Variants in LAMB3 observed in about 807,000 individuals in gnomAD.
LAMB3 encodes the protein laminin subunit beta-3.
A neutral mutation model predicts 140.3 loss-of-function variants in LAMB3; 104 were observed. The ratio of observed to expected loss-of-function variants is 0.74; its 90% CI spans 0.63 to 0.87. The LOEUF is 0.87. Among genes scored for constraint, LAMB3 ranks in the 40% least tolerant of loss-of-function variants. The pLI, the probability that LAMB3 is intolerant of heterozygous loss-of-function variation, is 0.00. For synonymous variants in LAMB3, 592 were observed against 602.9 expected, an observed-to-expected ratio of 0.98 and a Z score of 0.26; for missense variants, 1,531 against 1,575.2, an observed-to-expected ratio of 0.97 and a Z score of 0.47.
At position 209,626,879 on chromosome 1, in the gene LAMB3, T is replaced by C; in HGVS notation, c.1585A>G (p.Thr529Ala). The C allele has an allele frequency of 6.2e-7, 1 of 1,613,492 alleles. No homozygotes were observed. The highest frequency in any genetic ancestry group is 8.5e-7 in the Non-Finnish European group (1 of 1,179,696). The change falls in exon 13 of 23, where the codon ACA (threonine) becomes GCA (alanine). Residue 529 changes from threonine to alanine, a missense_variant. Transcript: ENST00000356082. ...TTTGAGCATGCACCTCGGCATCCTG[T>C]GGCCACGTCTCCATAGGTCCGGTCT... ...CPDRTYGDVA[T>A]GCRACDCDFR... is the part of the protein sequence containing the mutation.
At chr1:209,633,366 A>G (rs370914681) in intron 6 of LAMB3, among the ~76,000 whole-genome samples, 18 of 152,172 alleles carry the variant, frequency 1.2e-4, no homozygotes, top group Admixed American at 5.9e-4. Flanking sequence ...AGTTGAAAAT[A>G]TAAGTATCCT....
intron 5 of LAMB3, among the ~76,000 whole-genome samples, chr1:209,637,482 T>C (rs570217442): frequency 1.3e-5 from 2 of 152,256 alleles, no homozygotes; most frequent in African/African-American, 2.4e-5. Context: ...AATGAGTAGA[T>C]TGCCCACCAA....
intron 9 of LAMB3, 192 bp downstream of exon 9, chr1:209,630,423 T>C: frequency 1.5e-6 from 1 of 657,796 alleles, no homozygotes; most frequent in Non-Finnish European, 2.6e-6. Flanking sequence ...CTGGGGACAG[T>C]GGGAGGATGT....
chr1:209,617,083 G>A (rs1665993243), intron 21 of LAMB3, among the ~76,000 whole-genome samples: 1 of 152,168 alleles, frequency 6.6e-6, no homozygotes. Context: ...TGTCCAGGCT[G>A]GGAATCCAAG....
intron 13 of LAMB3, among the ~76,000 whole-genome samples, chr1:209,626,236 T>TCA (rs1390493292): frequency 6.6e-6 from 1 of 152,070 alleles, no homozygotes; most frequent in African/African-American, 2.4e-5. Context: ...CCACTTAAAG[T>TCA]CACACACACA....
At chr1:209,630,047 G>T in intron 9 of LAMB3, 122 bp from the exon 10 acceptor site, 4 of 888,278 alleles carry the variant, frequency 4.5e-6, no homozygotes, top group Non-Finnish European at 7.3e-6. Context: ...CAGGGAAGTG[G>T]GGAAACTGAG....
intron 22 of LAMB3, among the ~76,000 whole-genome samples, chr1:209,616,186 G>A (rs1194766722): frequency 1.3e-5 from 2 of 152,034 alleles, no homozygotes; most frequent in African/African-American, 4.8e-5. Context: ...ATAATTCTAT[G>A]CATCTTAAGC....
chr1:209,631,452 G>C (rs1265237990), intron 8 of LAMB3, among the ~76,000 whole-genome samples: 1 of 152,198 alleles, frequency 6.6e-6, no homozygotes, highest in East Asian at 1.9e-4. Flanking sequence ...GCTCCAGCTA[G>C]AACGGCACCT....
Position 209,629,720 on chromosome 1 carries a change from C to T in LAMB3, c.1132+17G>A. 2 of 1,613,468 alleles carry T rather than the reference C, an allele frequency of 1.2e-6. No individual in the cohort carries two copies. Among genetic ancestry groups the T allele is most frequent in the South Asian group, 2.2e-5 (2 of 91,060 alleles). On this transcript the variant is annotated intron_variant, in intron 10 of 22. Coordinates refer to ENST00000356082, the MANE Select transcript of LAMB3 (RefSeq NM_000228.3). ...AACAGACAAATGACACTCTGGGACTCCGGAGCCTCTACTCACAGATGCAGG... is the reference window on the plus strand; with the variant it reads ...AACAGACAAATGACACTCTGGGACTTCGGAGCCTCTACTCACAGATGCAGG...
rs563766357 is a variant in LAMB3 at position 209,629,721 on chromosome 1, C to T, written c.1132+16G>A. On this transcript the variant is annotated intron_variant, in intron 10 of 22. Transcript: ENST00000356082. ...ACAGACAAATGACACTCTGGGACTC[C>T]GGAGCCTCTACTCACAGATGCAGGT... is the stretch of plus-strand genomic sequence containing the variant. The T allele has an allele frequency of 7.4e-6, 12 of 1,613,342 alleles. No individual in the cohort carries two copies. The highest frequency in any genetic ancestry group is 1.7e-4 in the Middle Eastern group (1 of 6,058).
At chr1:209,652,174 C>A (rs1280247881) in intron 1 of LAMB3, 195 bp downstream of exon 1, 1 of 152,226 alleles carries the variant, frequency 6.6e-6, no homozygotes, top group Non-Finnish European at 1.5e-5. Context: ...AACCTGCTTT[C>A]TTCTAAGCCA....
chr1:209,618,322 C>G, intron 19 of LAMB3, 130 bp downstream of exon 19: 2 of 978,974 alleles, frequency 2.0e-6, no homozygotes, highest in Non-Finnish European at 3.1e-6. Flanking sequence ...ACTCTGTGTA[C>G]CACTCTCCAC....
At position 209,623,663 on chromosome 1, in the gene LAMB3, C is replaced by T. The variant is rs376093933; in HGVS notation, c.2200G>A (p.Asp734Asn). 3.2e-5 allele frequency: 52 copies of T among 1,614,072 alleles called. No homozygotes were observed. Among genetic ancestry groups the T allele is most frequent in the Non-Finnish European group, 4.0e-5 (47 of 1,180,040 alleles). ...QSAQAAQQVS[D>N]SSRLLDQLRD... ...AGCTGGTCCAAAAGGCGCGAGCTGT[C>T]GGAGACCTGCTGAGCAGCCTGGGCT... Residue 734 changes from aspartate (D) to asparagine (N), a missense_variant, in exon 16 of 23, where the codon GAC (aspartate) becomes AAC (asparagine). Transcript: ENST00000356082. The surrounding 1 kb of genome is among the most constrained non-coding windows in gnomAD (Gnocchi z 4.2).
intron 3 of LAMB3, among the ~76,000 whole-genome samples, chr1:209,640,503 G>A (rs375515999): frequency 3.3e-5 from 5 of 151,802 alleles, no homozygotes; most frequent in South Asian, 4.2e-4. Context: ...AGACGAGATC[G>A]TGCCACTGCA....
intron 10 of LAMB3, 52 bp downstream of exon 10, chr1:209,629,685 G>T: frequency 6.5e-7 from 1 of 1,539,684 alleles, no homozygotes; most frequent in Non-Finnish European, 9.0e-7. Flanking sequence ...ACCCAGAGGA[G>T]ATGGGGAGTA....
At chr1:209,626,098 A>AC in intron 13 of LAMB3, 72 bp from the exon 14 acceptor site, 1 of 1,529,336 alleles carries the variant, frequency 6.5e-7, no homozygotes, top group Non-Finnish European at 8.9e-7. Flanking sequence ...GAGAGCCCTG[A>AC]AGAGGAGGTC....
At chr1:209,627,647 T>A in intron 11 of LAMB3, 68 bp from the exon 12 acceptor site, 1 of 1,443,390 alleles carries the variant, frequency 6.9e-7, no homozygotes, top group Non-Finnish European at 9.7e-7. Context: ...AGGACACACA[T>A]CCAGGGAGGG....
At chr1:209,617,643 C>A (rs1666021943) in intron 20 of LAMB3, 57 bp from the exon 21 acceptor site, 2 of 1,593,718 alleles carry the variant, frequency 1.3e-6, no homozygotes, top group Non-Finnish European at 1.7e-6. Flanking sequence ...TCGGGGGGTT[C>A]ATCCCCATTT....
chr1:209,617,468 G>T lies in LAMB3; in HGVS notation c.3170C>A (p.Ala1057Glu). The T allele has an allele frequency of 6.2e-7, 1 of 1,613,612 alleles. No homozygotes were observed. The highest frequency in any genetic ancestry group is 8.5e-7 in the Non-Finnish European group (1 of 1,180,050). The change falls in exon 21 of 23, where the codon GCA (alanine) becomes GAA (glutamate). Residue 1057 changes from alanine to glutamate, a missense_variant. Physicochemically the swap from Ala to Glu is moderately radical, Grantham distance 107. Coordinates refer to ENST00000356082, the MANE Select transcript of LAMB3 (RefSeq NM_000228.3). ...RHQARQQGAE[A>E]VQAQQLAEGA... ...TTCCGCAAGCTGCTGGGCCTGGACT[G>T]CCTCTGCCCCCTGCTGCCGGGCTTG...
Sources: allele counts gnomAD v4.1 joint callset (sites outside exome capture counted in the v4.1 genomes callset), GRCh38; gene constraint gnomAD v4.1.1; non-coding constraint Gnocchi (gnomAD v3.1); transcripts MANE v1.5; gene names NCBI Gene and HGNC (gene_info 2026-07-23, HGNC 2026-07-21).